The following NXPH1 variants were observed in gnomAD, a reference collection of about 807,000 sequenced individuals.
NXPH1 encodes neurexophilin 1.
In NXPH1, 5 loss-of-function variants were observed where a neutral mutation model predicts 23.7. The observed-to-expected ratio is 0.21, with a 90% CI of 0.11 to 0.44. The LOEUF (loss-of-function observed/expected upper bound fraction) is 0.44, where lower values mean the gene tolerates loss of function less well. NXPH1 is among the 20% of genes least tolerant of loss of function. NXPH1 has a pLI of 0.99. For synonymous variants in NXPH1, 144 were observed against 122.2 expected (o/e 1.18, Z -1.18); for missense variants, 324 against 321.6 (o/e 1.01, Z -0.06).
chr7:8,695,482 T>C (rs180862984), intron 2 of NXPH1, among the ~76,000 whole-genome samples: 107 of 152,360 alleles, frequency 7.0e-4, no homozygotes, highest in Admixed American at 1.3e-3. Flanking sequence ...ACTGCAATCA[T>C]AATGTTTGCT....
Position 8,639,567 on chromosome 7 carries a change from G to A in NXPH1, c.55-111441G>A, listed in dbSNP as rs529433200. Among the ~76,000 whole-genome samples, 5 of 152,224 alleles carry A rather than the reference G, an allele frequency of 3.3e-5. No individual in the cohort carries two copies. In the South Asian group the frequency reaches 8.3e-4, roughly 25 times the overall value. ...CATTGACATTTTCTTAATTATTAGT[G>A]AGGCTGAGCATCTTTTTATAAGTTA... On this transcript the variant is annotated intron_variant, in intron 2 of 2. Transcript: ENST00000405863.
chr7:8,741,120 C>A (rs117012192), intron 2 of NXPH1, among the ~76,000 whole-genome samples: 1 of 152,242 alleles, frequency 6.6e-6, no homozygotes, highest in East Asian at 1.9e-4. Flanking sequence ...TATTTGGATT[C>A]CACATACAAG....
intron 2 of NXPH1, among the ~76,000 whole-genome samples, chr7:8,665,705 T>C (rs530020279): frequency 3.9e-5 from 6 of 152,108 alleles, no homozygotes; most frequent in African/African-American, 1.2e-4. Context: ...TACTTTATAG[T>C]TTTCAGTGCA....
chr7:8,468,774 T>C (rs1232268518), intron 2 of NXPH1, among the ~76,000 whole-genome samples: 4 of 152,084 alleles, frequency 2.6e-5, no homozygotes, highest in South Asian at 2.1e-4. Context: ...GTTGTTATGA[T>C]AGTTCAGTTC....
chr7:8,469,707 G>C (rs75362138), intron 2 of NXPH1, among the ~76,000 whole-genome samples: 1 of 152,086 alleles, frequency 6.6e-6, no homozygotes, highest in African/African-American at 2.4e-5. Flanking sequence ...TGCACACTAT[G>C]ATGAGGGTAA....
In NXPH1 at chr7:8,621,490, C is replaced by CTTTTTTTTTTTTTTTTTTTTTTTTT. The variant is rs113473603; in HGVS notation, c.55-129504_55-129503insTTTTTTTTTTTTTTTTTTTTTTTTT. On this transcript the variant is annotated intron_variant, in intron 2 of 2. Coordinates refer to ENST00000405863, the MANE Select transcript of NXPH1 (RefSeq NM_152745.3). ...GAGAAACAATAACATGCTAGCCACT[C>CTTTTTTTTTTTTTTTTTTTTTTTTT]TTTTTTTTTTTTTTGAGGTGAAGTT... Among the ~76,000 whole-genome samples, 39 of 140,248 alleles carry CTTTTTTTTTTTTTTTTTTTTTTTTT rather than the reference C, an allele frequency of 2.8e-4. 3 individuals are homozygous for CTTTTTTTTTTTTTTTTTTTTTTTTT. The East Asian group carries it at 3.1e-3, about 11-fold the overall frequency. The allele number at this position is 140,248 out of a possible 152,430, so 92.0% of individuals were successfully genotyped here. A position where few individuals can be genotyped will look rare whatever the true frequency, so the allele number is the denominator to read the frequency against.
At chr7:8,500,926 G>T (rs570572199) in intron 2 of NXPH1, among the ~76,000 whole-genome samples, 1 of 152,082 alleles carries the variant, frequency 6.6e-6, no homozygotes, top group African/African-American at 2.4e-5. Context: ...GAATATACAC[G>T]TCTTTAGGCA....
chr7:8,742,721 A>T (rs909162584), intron 2 of NXPH1, among the ~76,000 whole-genome samples: 4 of 152,344 alleles, frequency 2.6e-5, no homozygotes, highest in African/African-American at 9.6e-5. Context: ...GCAGGGGTTG[A>T]TGATGAAGAA....
At chr7:8,519,581 T>G (rs915682203) in intron 2 of NXPH1, among the ~76,000 whole-genome samples, 17 of 152,222 alleles carry the variant, frequency 1.1e-4, no homozygotes, top group Non-Finnish European at 2.1e-4. Context: ...ATTGCTTTTT[T>G]TGCTGTGAAA....
At chr7:8,469,424 C>G (rs1816833921) in intron 2 of NXPH1, among the ~76,000 whole-genome samples, 1 of 152,068 alleles carries the variant, frequency 6.6e-6, no homozygotes, top group East Asian at 1.9e-4. Flanking sequence ...CTCAGCAGCT[C>G]TCAGTTTTGT....
chr7:8,649,184 A>G (rs1820448720), intron 2 of NXPH1, among the ~76,000 whole-genome samples: 1 of 151,872 alleles, frequency 6.6e-6, no homozygotes, highest in Non-Finnish European at 1.5e-5. Flanking sequence ...TCTACATACC[A>G]TTTTCTTTTT....
Position 8,477,448 on chromosome 7 carries a change from C to A in NXPH1, c.54+41681C>A, listed in dbSNP as rs1816994908. On this transcript the variant is annotated intron_variant, in intron 2 of 2. Transcript: ENST00000405863. ...AGCTAATAAACATACATTTTGTGGA[C>A]ATGAGGATGACTGGGAAAATGGCAA... Among the ~76,000 whole-genome samples the A allele has an allele frequency of 1.3e-5, 2 of 152,046 alleles. 1 individual carries two copies. The highest frequency in any genetic ancestry group is 3.9e-4 in the East Asian group (2 of 5,176).
In NXPH1 at chr7:8,720,371, C is replaced by G. The variant is rs181657317; in HGVS notation, c.55-30637C>G. 3.1e-4 allele frequency among the ~76,000 whole-genome samples: 47 copies of G among 152,006 alleles called. No individual in the cohort carries two copies. In the East Asian group the frequency reaches 8.5e-3, roughly 27 times the overall value. Reference sequence around the variant, plus strand: ...GCAGTGGGTCTTGCATTTCTCTACTCTATCATTAGGTTACTGGTATCTACA... The same window carrying G: ...GCAGTGGGTCTTGCATTTCTCTACTGTATCATTAGGTTACTGGTATCTACA... On this transcript the variant is annotated intron_variant, in intron 2 of 2. Transcript: ENST00000405863.
intron 2 of NXPH1, among the ~76,000 whole-genome samples, chr7:8,615,358 A>T (rs1171091813): frequency 2.0e-5 from 3 of 152,048 alleles, no homozygotes; most frequent in Non-Finnish European, 4.4e-5. Context: ...ACATTTACTC[A>T]TCTGAAAAAT....
intron 2 of NXPH1, 66 bp from the exon 3 acceptor site, chr7:8,750,942 A>ATCTATGCATT (rs1780553187): frequency 2.7e-6 from 4 of 1,467,594 alleles, no homozygotes; most frequent in East Asian, 2.3e-5. Context: ...GAAGGCTTAG[A>ATCTATGCATT]TCTATGCATT....
chr7:8,664,279 C>T (rs979358850), intron 2 of NXPH1, among the ~76,000 whole-genome samples: 3 of 152,038 alleles, frequency 2.0e-5, no homozygotes, highest in Non-Finnish European at 4.4e-5. Context: ...TCCTGTGCTT[C>T]CTAGAACATG....
chr7:8,750,856 G>A (rs1239740644), intron 2 of NXPH1, among the ~76,000 whole-genome samples, 152 bp from the exon 3 acceptor site: 1 of 152,096 alleles, frequency 6.6e-6, no homozygotes, highest in Non-Finnish European at 1.5e-5. Flanking sequence ...AGGGGGCTTA[G>A]ATCTCTGCTT....
intron 2 of NXPH1, among the ~76,000 whole-genome samples, chr7:8,535,965 G>T (rs1818019617): frequency 6.6e-6 from 1 of 151,894 alleles, no homozygotes; most frequent in Non-Finnish European, 1.5e-5. Context: ...GGTGATTGTG[G>T]TAACTCCTGT....
At chr7:8,562,490 C>G (rs998608565) in intron 2 of NXPH1, among the ~76,000 whole-genome samples, 1 of 151,390 alleles carries the variant, frequency 6.6e-6, no homozygotes, top group Non-Finnish European at 1.5e-5. Context: ...ACTCTGAATT[C>G]AGCCCTGGTG....
Sources: allele counts gnomAD v4.1 joint callset (sites outside exome capture counted in the v4.1 genomes callset), GRCh38; gene constraint gnomAD v4.1.1; transcripts MANE v1.5; gene names NCBI Gene and HGNC (gene_info 2026-07-23, HGNC 2026-07-21).